The following WWOX variants were observed in gnomAD, a reference collection of about 807,000 sequenced individuals.
WWOX encodes the protein WW domain-containing oxidoreductase.
WWOX carries 69 observed loss-of-function variants against 46.2 expected under a neutral mutation model. The observed-to-expected ratio is 1.49, with a 90% CI of 1.23 to 1.82. The LOEUF (loss-of-function observed/expected upper bound fraction) is 1.82, where lower values mean the gene tolerates loss of function less well. Among genes scored for constraint, WWOX ranks in the 40% most tolerant of loss-of-function variants. The pLI, the probability that WWOX is intolerant of heterozygous loss-of-function variation, is 0.00. For missense variants in WWOX, 919 were observed against 542.6 expected (o/e 1.69, Z -6.89); for synonymous variants, 359 against 202.6 (o/e 1.77, Z -6.56).
chr16:78,786,216 A>G (rs1355687822), intron 8 of WWOX, among the ~76,000 whole-genome samples: 1 of 152,088 alleles, frequency 6.6e-6, no homozygotes, highest in African/African-American at 2.4e-5. Flanking sequence ...GGCCTGAATT[A>G]ATATTTTCTA....
intron 8 of WWOX, among the ~76,000 whole-genome samples, chr16:78,797,980 C>T (rs572740333): frequency 7.2e-5 from 11 of 152,126 alleles, no homozygotes; most frequent in African/African-American, 2.2e-4. Flanking sequence ...AGGGTGAGAC[C>T]CTGTCTCTAA....
chr16:79,091,970 G>A (rs957460399), intron 8 of WWOX, among the ~76,000 whole-genome samples: 6 of 151,646 alleles, frequency 4.0e-5, no homozygotes, highest in Non-Finnish European at 8.8e-5. Flanking sequence ...TAGTAGAGAC[G>A]GAGTTTCACC....
chr16:79,132,096 C>G (rs1051150398), intron 8 of WWOX, among the ~76,000 whole-genome samples: 1 of 151,320 alleles, frequency 6.6e-6, no homozygotes, highest in South Asian at 2.1e-4. Context: ...CAGAGTCAAA[C>G]CGTATCACTC....
At chr16:78,953,980 G>A (rs2046114734) in intron 8 of WWOX, among the ~76,000 whole-genome samples, 1 of 152,186 alleles carries the variant, frequency 6.6e-6, no homozygotes, top group African/African-American at 2.4e-5. Context: ...GATGCTGCAG[G>A]AGACAAAAAG....
chr16:78,488,122 A>T (rs141275000), intron 8 of WWOX, among the ~76,000 whole-genome samples: 1 of 152,148 alleles, frequency 6.6e-6, no homozygotes, highest in African/African-American at 2.4e-5. Flanking sequence ...AAACTTGGTA[A>T]TGTAGATTTT....
chr16:79,059,658 C>T (rs999706244), intron 8 of WWOX, among the ~76,000 whole-genome samples: 1 of 152,110 alleles, frequency 6.6e-6, no homozygotes, highest in African/African-American at 2.4e-5. Context: ...CCATGCCCGG[C>T]TAATTTTTTG....
chr16:78,172,064 T>C (rs759101204), intron 5 of WWOX, among the ~76,000 whole-genome samples: 1 of 152,172 alleles, frequency 6.6e-6, no homozygotes, highest in Non-Finnish European at 1.5e-5. Context: ...AGCTGGGAGA[T>C]AACGGGGTGG....
chr16:78,893,352 T>TC (rs1465878378), intron 8 of WWOX, among the ~76,000 whole-genome samples: 1 of 152,150 alleles, frequency 6.6e-6, no homozygotes, highest in East Asian at 1.9e-4. Context: ...TCACATGGTT[T>TC]GAATCCAAGA....
intron 8 of WWOX, among the ~76,000 whole-genome samples, chr16:78,684,891 A>G (rs1306959743): frequency 6.6e-6 from 1 of 152,192 alleles, no homozygotes; most frequent in African/African-American, 2.4e-5. Flanking sequence ...GTCAGAGCAT[A>G]GGAACACTCA....
At chr16:78,802,745 G>A (rs1289709774) in intron 8 of WWOX, among the ~76,000 whole-genome samples, 5 of 151,122 alleles carry the variant, frequency 3.3e-5, no homozygotes, top group African/African-American at 7.3e-5. Context: ...GTGAAGCCCC[G>A]TCTCTACTAA....
intron 6 of WWOX, among the ~76,000 whole-genome samples, chr16:78,412,606 GT>G (rs1218873560): frequency 6.6e-6 from 1 of 152,162 alleles, no homozygotes; most frequent in East Asian, 1.9e-4. Context: ...AGAGTGGATG[GT>G]ATCACAGAAG....
At chr16:78,690,176 C>T (rs908861888) in intron 8 of WWOX, among the ~76,000 whole-genome samples, 1 of 152,056 alleles carries the variant, frequency 6.6e-6, no homozygotes, top group Admixed American at 6.6e-5. Flanking sequence ...AACTTTTTAA[C>T]AACCCCCCCT....
At chr16:78,263,889 G>T (rs1409607357) in intron 5 of WWOX, among the ~76,000 whole-genome samples, 3 of 151,860 alleles carry the variant, frequency 2.0e-5, no homozygotes, top group African/African-American at 7.3e-5. Context: ...AGGCTGGCCA[G>T]TGTGGAAGCA....
At chr16:78,261,789 T>TAGAG (rs773934553) in intron 5 of WWOX, among the ~76,000 whole-genome samples, 7 of 44,664 alleles carry the variant, frequency 1.6e-4, no homozygotes, top group African/African-American at 8.9e-4. Context: ...TCTATCTATC[T>TAGAG]ATATATATAT....
intron 8 of WWOX, among the ~76,000 whole-genome samples, chr16:78,622,806 A>T (rs1253102284): frequency 2.0e-5 from 3 of 152,184 alleles, no homozygotes; most frequent in Non-Finnish European, 4.4e-5. Flanking sequence ...CTTACATGAG[A>T]CAGATTTTGA....
Position 78,432,550 on chromosome 16 carries a change from A to C in WWOX, c.854A>C (p.Asn285Thr), listed in dbSNP as rs762842659. The C allele has an allele frequency of 6.2e-7, 1 of 1,614,166 alleles. No homozygotes were observed. The highest frequency in any genetic ancestry group is 1.7e-5 in the Admixed American group (1 of 60,004). The change falls in exon 8 of 9, where the codon AAC (asparagine) becomes ACC (threonine). Residue 285 changes from asparagine to threonine, a missense_variant. Physicochemically the swap from Asn to Thr is moderately conservative, Grantham distance 65 (BLOSUM62 0). Transcript: ENST00000566780. Reference sequence around the variant, plus strand: ...TTCAGTCGCCTCTCTCCAACAAAAAACGACTATTGGGCGATGCTGGCTTAT... The same window carrying C: ...TTCAGTCGCCTCTCTCCAACAAAAACCGACTATTGGGCGATGCTGGCTTAT... ...LDFSRLSPTK[N>T]DYWAMLAYNR... is the part of the protein sequence containing the mutation.
chr16:78,418,347 G>C (rs536892491), intron 6 of WWOX, among the ~76,000 whole-genome samples: 1 of 150,420 alleles, frequency 6.6e-6, no homozygotes, highest in African/African-American at 2.5e-5. Context: ...CTGGGCAGGA[G>C]ACAGAGTAAG....
chr16:79,131,140 G>T (rs1195721153), intron 8 of WWOX, among the ~76,000 whole-genome samples: 2 of 152,156 alleles, frequency 1.3e-5, no homozygotes, highest in Non-Finnish European at 2.9e-5. Flanking sequence ...TGCCTCCCGG[G>T]CCTTCCTTCC....
At chr16:78,996,752 C>G (rs981067609) in intron 8 of WWOX, among the ~76,000 whole-genome samples, 16 of 152,106 alleles carry the variant, frequency 1.1e-4, no homozygotes, top group Admixed American at 3.3e-4. Context: ...TGCAATTCTC[C>G]CAACTGTTCC....
Sources: gnomAD v4.1 joint callset for allele counts (sites outside exome capture counted in the v4.1 genomes callset) on GRCh38, gnomAD v4.1.1 for gene constraint, MANE v1.5 for transcripts, NCBI Gene and HGNC (gene_info 2026-07-23, HGNC 2026-07-21) for gene names.